FBXL5: variants seen among roughly 807,000 people sequenced by gnomAD.
The protein encoded by FBXL5 is F-box/LRR-repeat protein 5.
FBXL5 carries 26 observed loss-of-function variants against 78.3 expected under a neutral mutation model. The observed-to-expected ratio is 0.33, with a 90% CI of 0.24 to 0.46. The LOEUF (loss-of-function observed/expected upper bound fraction) is 0.46. Ranked by LOEUF, FBXL5 falls within the 20% of genes least tolerant of loss-of-function variation. FBXL5 has a pLI of 1.00. For synonymous variants in FBXL5, 295 were observed against 282.5 expected, an observed-to-expected ratio of 1.04 and a Z score of -0.45; for missense variants, 710 against 829.2, an observed-to-expected ratio of 0.86 and a Z score of 1.77.
At chr4:15,637,047 C>G (rs988409267) in intron 4 of FBXL5, among the ~76,000 whole-genome samples, 1 of 152,124 alleles carries the variant, frequency 6.6e-6, no homozygotes, top group Admixed American at 6.6e-5. Flanking sequence ...ATAGAGTCAG[C>G]CAGATTATGA....
chr4:15,632,711 G>T (rs924987714), intron 5 of FBXL5, among the ~76,000 whole-genome samples: 2 of 152,096 alleles, frequency 1.3e-5, no homozygotes, highest in African/African-American at 4.8e-5. Context: ...TTGGCTCTCT[G>T]TTATTGGTGT....
In FBXL5 at chr4:15,625,509, A is replaced by T. The variant is rs1174281012; in HGVS notation, c.1593T>A (p.Ser531Arg). ...AAGCACAATGCTGCTGCCAACAGAC[A>T]CTAGTCCTTAGTCCAACAATGTCCT... ...FSKDIVGLRT[S>R]VCWQQHCASP... The change falls in exon 9 of 11, where the codon AGT becomes AGA. Residue 531 changes from serine (S) to arginine (R), a missense_variant. Around this residue, in one of 4 missense-constraint regions of FBXL5, gnomAD observed 517 missense variants for 542.9 expected, o/e 0.95. Transcript: ENST00000341285. 6.2e-7 allele frequency: 1 copy of T among 1,614,128 alleles called. No homozygotes were observed. Among genetic ancestry groups the T allele is most frequent in the African/African-American group, 1.3e-5 (1 of 75,076 alleles).
chr4:15,668,732 A>C (rs1300414969), intron 1 of FBXL5, among the ~76,000 whole-genome samples: 1 of 152,216 alleles, frequency 6.6e-6, no homozygotes, highest in African/African-American at 2.4e-5. Context: ...AATACATTCA[A>C]GTTCCCAGAC....
At chr4:15,641,740 T>C (rs1714902604) in intron 2 of FBXL5, 1 of 380,606 alleles carries the variant, frequency 2.6e-6, no homozygotes, top group Non-Finnish European at 5.1e-6. Flanking sequence ...CTGTTAACAT[T>C]ATCCTGCCAG....
At chr4:15,607,935 T>C (rs572842706) in intron 10 of FBXL5, among the ~76,000 whole-genome samples, 4 of 152,328 alleles carry the variant, frequency 2.6e-5, no homozygotes, top group East Asian at 1.9e-4. Flanking sequence ...AAAATGTCTA[T>C]ACCATTAAGT....
chr4:15,646,461 G>GGA (rs1399267270), intron 1 of FBXL5, among the ~76,000 whole-genome samples: 6 of 133,004 alleles, frequency 4.5e-5, no homozygotes, highest in Admixed American at 2.3e-4. Flanking sequence ...TCATTTTTTG[G>GGA]AAAAAAAAAA....
intron 1 of FBXL5, among the ~76,000 whole-genome samples, chr4:15,680,888 A>C (rs187800798): frequency 4.0e-5 from 6 of 149,496 alleles, no homozygotes; most frequent in Non-Finnish European, 7.4e-5. Flanking sequence ...ATGTCAACCC[A>C]AAAAAATAAA....
At chr4:15,641,661 T>C (rs1358917506) in intron 2 of FBXL5, 2 of 448,344 alleles carry the variant, frequency 4.5e-6, no homozygotes, top group Non-Finnish European at 4.4e-6. Flanking sequence ...TCAAAAGTTA[T>C]ACGTGGATTT....
chr4:15,659,146 ATAAT>A (rs1339010423), upstream of FBXL5, among the ~76,000 whole-genome samples: 2 of 152,208 alleles, frequency 1.3e-5, no homozygotes, highest in African/African-American at 2.4e-5. Context: ...ACCCAGTAAA[ATAAT>A]TAATTTCTTA....
intron 1 of FBXL5, among the ~76,000 whole-genome samples, chr4:15,680,670 C>T (rs1014749368): frequency 2.0e-5 from 3 of 151,060 alleles, no homozygotes; most frequent in African/African-American, 2.4e-5. Flanking sequence ...AGTGAGACTC[C>T]GTCTCAAAAA....
chr4:15,657,425 A>G (rs4698408), upstream of FBXL5, among the ~76,000 whole-genome samples: 43,854 of 152,136 alleles, frequency 0.29, 6,655 homozygotes, highest in East Asian at 0.48. Flanking sequence ...GTCTTGTCCA[A>G]TCAACTGTTT....
chr4:15,610,441 A>G (rs1255066627), intron 10 of FBXL5, among the ~76,000 whole-genome samples: 1 of 152,106 alleles, frequency 6.6e-6, no homozygotes, highest in African/African-American at 2.4e-5. Flanking sequence ...TTCCTTTCAA[A>G]TCTTTCAAAG....
intron 5 of FBXL5, among the ~76,000 whole-genome samples, chr4:15,631,262 G>C (rs1713623585): frequency 6.6e-6 from 1 of 152,120 alleles, no homozygotes; most frequent in Non-Finnish European, 1.5e-5. Flanking sequence ...ATTTTTTATG[G>C]CTGCATAGTA....
intron 5 of FBXL5, among the ~76,000 whole-genome samples, chr4:15,632,342 T>C (rs1243432519): frequency 1.3e-5 from 2 of 152,310 alleles, no homozygotes; most frequent in East Asian, 1.9e-4. Context: ...TGAGGTCAGG[T>C]AGCATGATGC....
At chr4:15,625,199 A>C (rs1315505225) in intron 9 of FBXL5, 53 bp downstream of exon 9, 2 of 1,505,344 alleles carry the variant, frequency 1.3e-6, no homozygotes, top group Admixed American at 2.3e-5. Context: ...TTTATATTCC[A>C]TTTGGAAATG....
chr4:15,612,072 C>CCAAAA, intron 10 of FBXL5, 194 bp downstream of exon 10: 1 of 461,674 alleles, frequency 2.2e-6, no homozygotes, highest in East Asian at 3.8e-5. Context: ...TATACATCTG[C>CCAAAA]AAGAAAAACT....
chr4:15,617,774 A>G (rs780119885), intron 9 of FBXL5, among the ~76,000 whole-genome samples: 2 of 152,188 alleles, frequency 1.3e-5, no homozygotes, highest in South Asian at 2.1e-4. Context: ...ACATGTACAC[A>G]TGGAAGGAAA....
intron 1 of FBXL5, among the ~76,000 whole-genome samples, chr4:15,667,182 T>C (rs1717583997): frequency 6.6e-6 from 1 of 152,200 alleles, no homozygotes; most frequent in Admixed American, 6.5e-5. Flanking sequence ...CACGTCGTAG[T>C]ACTTAGGTTC....
chr4:15,649,254 C>T (rs1034017406), intron 1 of FBXL5, among the ~76,000 whole-genome samples: 3 of 151,848 alleles, frequency 2.0e-5, no homozygotes, highest in East Asian at 1.9e-4. Flanking sequence ...ATTTTTAACC[C>T]GGTACCTAAA....
Sources: allele counts gnomAD v4.1 joint callset (sites outside exome capture counted in the v4.1 genomes callset), GRCh38; gene constraint gnomAD v4.1.1; regional missense constraint gnomAD v4.1.1; transcripts MANE v1.5; gene names NCBI Gene and HGNC (gene_info 2026-07-23, HGNC 2026-07-21).